Variants in SEMA6A observed in about 807,000 individuals in gnomAD.
SEMA6A encodes the protein semaphorin-6A.
In SEMA6A, 25 loss-of-function variants were observed where a neutral mutation model predicts 96.8. The observed-to-expected ratio is 0.26, with a 90% CI of 0.19 to 0.36. The LOEUF (loss-of-function observed/expected upper bound fraction) is 0.36. SEMA6A is among the 10% of genes least tolerant of loss of function. The pLI is 1.00. For missense variants in SEMA6A, 1,363 were observed against 1,323.1 expected, an observed-to-expected ratio of 1.03 and a Z score of -0.47; for synonymous variants, 612 against 518.0, an observed-to-expected ratio of 1.18 and a Z score of -2.46.
At chr5:116,539,501 C>CT (rs1316911414) in intron 1 of SEMA6A, among the ~76,000 whole-genome samples, 2 of 152,092 alleles carry the variant, frequency 1.3e-5, no homozygotes, top group African/African-American at 4.8e-5. Flanking sequence ...TTCCATCCTG[C>CT]TTCTTAGGTT....
At chr5:116,509,382 T>G (rs1044745304) in intron 1 of SEMA6A, among the ~76,000 whole-genome samples, 2 of 152,166 alleles carry the variant, frequency 1.3e-5, no homozygotes, top group Admixed American at 6.6e-5. Context: ...TCTAATATCA[T>G]ATGAAGTTTT....
At chr5:116,528,759 C>A (rs1415564581) in intron 1 of SEMA6A, among the ~76,000 whole-genome samples, 1 of 152,172 alleles carries the variant, frequency 6.6e-6, no homozygotes, top group Non-Finnish European at 1.5e-5. Context: ...GGATCTAAAC[C>A]TTTGTGCTAG....
chr5:116,511,048 A>G (rs189228766), intron 1 of SEMA6A, among the ~76,000 whole-genome samples: 1 of 152,314 alleles, frequency 6.6e-6, no homozygotes, highest in Non-Finnish European at 1.5e-5. Context: ...TAACATGTCT[A>G]GGCAGCACAT....
chr5:116,540,412 A>G (rs976030371), intron 1 of SEMA6A, among the ~76,000 whole-genome samples: 4 of 152,160 alleles, frequency 2.6e-5, no homozygotes, highest in Non-Finnish European at 5.9e-5. Context: ...GGAGATCTCT[A>G]TCCCTGGATA....
intron 13 of SEMA6A, 95 bp from the exon 14 acceptor site, chr5:116,478,249 CTT>C: frequency 7.1e-7 from 1 of 1,409,176 alleles, no homozygotes; most frequent in Non-Finnish European, 9.7e-7. Flanking sequence ...AAGGCAATCT[CTT>C]AATCTAACTG....
In SEMA6A at chr5:116,549,728, C is replaced by T. The variant is rs376074822; in HGVS notation, c.-39+24457G>A. Among the ~76,000 whole-genome samples the T allele has an allele frequency of 1.8e-4, 28 of 152,294 alleles. No individual in the cohort carries two copies. The East Asian group carries it at 3.9e-3, about 21-fold the overall frequency. ...GGTGACAACAGGAATGCAGTATACTCTTTATACAAAATTCACAAGGGAGTT... is the reference window on the plus strand; with the variant it reads ...GGTGACAACAGGAATGCAGTATACTTTTTATACAAAATTCACAAGGGAGTT... On this transcript the variant is annotated intron_variant, in intron 1 of 18. Coordinates refer to ENST00000343348, the MANE Select transcript of SEMA6A (RefSeq NM_020796.5).
intron 6 of SEMA6A, chr5:116,492,309 A>G (rs1267330247): frequency 6.5e-6 from 1 of 153,038 alleles, no homozygotes; most frequent in Non-Finnish European, 1.5e-5. Context: ...CCTAAAAAAA[A>G]AAAAAAAGTG....
chr5:116,512,316 G>C (rs765358586), intron 1 of SEMA6A, among the ~76,000 whole-genome samples: 9 of 152,188 alleles, frequency 5.9e-5, no homozygotes, highest in Non-Finnish European at 1.2e-4. Flanking sequence ...TCGGGCAAAT[G>C]AGAAAAATAG....
intron 1 of SEMA6A, among the ~76,000 whole-genome samples, chr5:116,548,289 T>C (rs1418255194): frequency 6.6e-6 from 1 of 151,510 alleles, no homozygotes; most frequent in East Asian, 1.9e-4. Flanking sequence ...CCAAGGTGGC[T>C]GAACAGTAGT....
At chr5:116,531,346 C>T (rs1759466343) in intron 1 of SEMA6A, among the ~76,000 whole-genome samples, 1 of 152,168 alleles carries the variant, frequency 6.6e-6, no homozygotes, top group Admixed American at 6.5e-5. Context: ...AGATTGGTCC[C>T]TCCAGCTTTT....
At chr5:116,509,793 G>C (rs915703569) in intron 1 of SEMA6A, among the ~76,000 whole-genome samples, 13 of 152,218 alleles carry the variant, frequency 8.5e-5, no homozygotes, top group African/African-American at 2.6e-4. Flanking sequence ...TTTCCTCTTT[G>C]TCCTAAAGGC....
At chr5:116,472,948 G>T in intron 17 of SEMA6A, 125 bp downstream of exon 17, 1 of 1,523,004 alleles carries the variant, frequency 6.6e-7, no homozygotes, top group Non-Finnish European at 8.8e-7. Flanking sequence ...ATAAAAAAAT[G>T]ATGAGGATAA....
Position 116,467,735 on chromosome 5 carries a change from G to C in SEMA6A, c.1742C>G (p.Ser581Cys), listed in dbSNP as rs768613651. 6.2e-7 allele frequency: 1 copy of C among 1,613,564 alleles called. No individual in the cohort carries two copies. Among genetic ancestry groups the C allele is most frequent in the African/African-American group, 1.3e-5 (1 of 74,902 alleles). Reference sequence around the variant, plus strand: ...TGATGTGGTTGTGCTGGGCAAGAGGGAACTGGAATGCCCTGTTTTCATCAC... The same window carrying C: ...TGATGTGGTTGTGCTGGGCAAGAGGCAACTGGAATGCCCTGTTTTCATCAC... ...SFVALNGHSS[S>C]LLPSTTTSDS... is the part of the protein sequence containing the mutation. Residue 581 changes from serine to cysteine, a missense_variant, in exon 18 of 19, where the codon TCC becomes TGC. This residue lies in a region of SEMA6A where 883 missense variants were observed against 763.6 expected (regional missense o/e 1.16). Transcript: ENST00000343348.
intron 1 of SEMA6A, among the ~76,000 whole-genome samples, chr5:116,516,560 A>G (rs1211541533): frequency 1.3e-5 from 2 of 152,112 alleles, no homozygotes; most frequent in African/African-American, 4.8e-5. Context: ...AAAGTGACTC[A>G]TTAGCCTGGC....
At chr5:116,564,872 A>T (rs1271742824) in intron 1 of SEMA6A, among the ~76,000 whole-genome samples, 3 of 152,082 alleles carry the variant, frequency 2.0e-5, no homozygotes, top group Non-Finnish European at 4.4e-5. Context: ...TGTCAAGTGT[A>T]AAAAAGGAAA....
rs563795780 is a variant in SEMA6A, at chr5:116,446,351, G to C, written c.*262C>G. The C allele has an allele frequency of 3.5e-5, 13 of 370,782 alleles. 1 individual carries two copies. The highest frequency in any genetic ancestry group is 1.4e-3 in the Middle Eastern group (2 of 1,412). 23.0% of individuals were successfully genotyped at this position (370,782 alleles called of 1,614,324 possible). A position where few individuals can be genotyped will look rare whatever the true frequency, so the allele number is the denominator to read the frequency against. ...TTTGTGATGATAACTGAAGTCTTTT[G>C]TGGGTCCGACCTGTTGTAGGGTGTG... is the stretch of plus-strand genomic sequence containing the variant. On this transcript the variant is annotated 3_prime_UTR_variant, in exon 19 of 19. Coordinates refer to ENST00000343348, the MANE Select transcript of SEMA6A (RefSeq NM_020796.5).
At chr5:116,485,043 T>G (rs918021203) in intron 10 of SEMA6A, among the ~76,000 whole-genome samples, 2 of 152,084 alleles carry the variant, frequency 1.3e-5, no homozygotes, top group Non-Finnish European at 2.9e-5. Context: ...AGTAGAGGGA[T>G]GAAACCAGAG....
chr5:116,486,554 C>T, intron 10 of SEMA6A, 195 bp downstream of exon 10: 1 of 547,440 alleles, frequency 1.8e-6, no homozygotes, highest in Non-Finnish European at 3.3e-6. Flanking sequence ...TAATTACTTC[C>T]CCTAAAACCT....
intron 18 of SEMA6A, among the ~76,000 whole-genome samples, chr5:116,448,635 A>G (rs1474173276): frequency 6.6e-6 from 1 of 152,078 alleles, no homozygotes; most frequent in Non-Finnish European, 1.5e-5. Flanking sequence ...CGTCTGGGGA[A>G]AAGTGTTTGC....
Sources: allele counts gnomAD v4.1 joint callset (sites outside exome capture counted in the v4.1 genomes callset), GRCh38; gene constraint gnomAD v4.1.1; regional missense constraint gnomAD v4.1.1; transcripts MANE v1.5; gene names NCBI Gene and HGNC (gene_info 2026-07-23, HGNC 2026-07-21).